The following NAV2 variants were observed in gnomAD, a reference collection of about 807,000 sequenced individuals.
The protein encoded by NAV2 is neuron navigator 2, also known as helicase, APC down-regulated 1.
Under a neutral mutation model 223.2 loss-of-function variants are expected in NAV2, and 54 were observed. The ratio of observed to expected loss-of-function variants is 0.24; its 90% CI spans 0.19 to 0.30. The LOEUF is 0.30. Ranked by LOEUF, NAV2 falls within the 10% of genes least tolerant of loss-of-function variation. The pLI is 1.00. For synonymous variants in NAV2, 1,279 were observed against 1,239.3 expected (o/e 1.03, Z -0.67); for missense variants, 2,806 against 3,147.5 (o/e 0.89, Z 2.60).
At position 19,908,612 on chromosome 11, in the gene NAV2, C is replaced by T. The variant is rs544996335; in HGVS notation, c.931+16018C>T. Among the ~76,000 whole-genome samples the T allele has an allele frequency of 7.5e-4, 114 of 152,240 alleles. 1 individual carries two copies. The Middle Eastern group carries it at 0.01, about 14-fold the overall frequency. On this transcript the variant is annotated intron_variant, in intron 6 of 37. Coordinates refer to ENST00000349880, the MANE Select transcript of NAV2 (RefSeq NM_145117.5). ...TTGACATGTGGTTAGTGTGGATGAA[C>T]GAATTTTTAATGTAGTAAATTTTAA...
intron 1 of NAV2, among the ~76,000 whole-genome samples, chr11:19,421,912 C>T (rs535920506): frequency 1.3e-5 from 2 of 152,214 alleles, no homozygotes; most frequent in South Asian, 4.1e-4. Context: ...CCTGGAATCA[C>T]ATCCTGACTC....
chr11:20,091,387 C>A (rs1592101355), intron 27 of NAV2, among the ~76,000 whole-genome samples: 1 of 152,152 alleles, frequency 6.6e-6, no homozygotes, highest in East Asian at 1.9e-4. Context: ...CGCTGACTGC[C>A]CCCTTTGCAT....
chr11:19,917,141 G>A (rs770602424), intron 6 of NAV2, among the ~76,000 whole-genome samples: 2 of 152,168 alleles, frequency 1.3e-5, no homozygotes, highest in Non-Finnish European at 2.9e-5. Context: ...CCTGCCTTCT[G>A]GAGATCTGAT....
At chr11:19,345,936 G>C (rs1852981976), upstream of NAV2, among the ~76,000 whole-genome samples, 1 of 152,130 alleles carries the variant, frequency 6.6e-6, no homozygotes, top group Non-Finnish European at 1.5e-5. This position sits in a 1 kb window ranked among gnomAD's most constrained non-coding sequence, Gnocchi z 5.2. Flanking sequence ...GTTTGCTGTT[G>C]GCATGGGTGT....
At chr11:19,497,225 C>G (rs1317764711) in intron 1 of NAV2, among the ~76,000 whole-genome samples, 1 of 152,308 alleles carries the variant, frequency 6.6e-6, no homozygotes, top group East Asian at 1.9e-4. Flanking sequence ...CAGTCTCTGC[C>G]TCACAGGTTG....
chr11:19,913,370 C>T (rs771890444), intron 6 of NAV2, among the ~76,000 whole-genome samples: 5 of 152,150 alleles, frequency 3.3e-5, no homozygotes, highest in African/African-American at 4.8e-5. Flanking sequence ...GCCCCACATC[C>T]TTGTATGTTG....
intron 26 of NAV2, among the ~76,000 whole-genome samples, chr11:20,084,628 A>G (rs751320677): frequency 6.6e-6 from 1 of 152,190 alleles, no homozygotes; most frequent in African/African-American, 2.4e-5. Flanking sequence ...TGCCCAGCCC[A>G]GTGTCCTGTG....
intron 1 of NAV2, among the ~76,000 whole-genome samples, chr11:19,619,548 T>A (rs1262861275): frequency 1.3e-5 from 2 of 152,234 alleles, no homozygotes; most frequent in African/African-American, 2.4e-5. Context: ...GTTGGCTGCA[T>A]AAATGTCTTC....
intron 1 of NAV2, among the ~76,000 whole-genome samples, chr11:19,789,578 G>A (rs77147340): frequency 0.072 from 10,920 of 152,248 alleles, 417 homozygotes; most frequent in Middle Eastern, 0.11. Flanking sequence ...AAAGAAAAGA[G>A]AATTAGACTG....
chr11:19,812,509 T>C (rs1032033379), intron 1 of NAV2, among the ~76,000 whole-genome samples: 1 of 152,094 alleles, frequency 6.6e-6, no homozygotes, highest in African/African-American at 2.4e-5. Context: ...TTAGACACTG[T>C]TGAATCCTCT....
chr11:19,917,107 C>G (rs1423128397), intron 6 of NAV2, among the ~76,000 whole-genome samples: 1 of 152,216 alleles, frequency 6.6e-6, no homozygotes, highest in Non-Finnish European at 1.5e-5. Flanking sequence ...CAGCCCTGCC[C>G]AGCCTAGATG....
intron 6 of NAV2, among the ~76,000 whole-genome samples, chr11:19,927,146 A>G (rs1487797402): frequency 6.6e-6 from 1 of 152,226 alleles, no homozygotes; most frequent in Non-Finnish European, 1.5e-5. Flanking sequence ...CTTTTCTTCA[A>G]AGCCATCCTG....
chr11:19,735,958 G>A (rs2052253019), intron 1 of NAV2, among the ~76,000 whole-genome samples: 1 of 152,168 alleles, frequency 6.6e-6, no homozygotes, highest in African/African-American at 2.4e-5. Context: ...CCCAGTATGG[G>A]GGCAACATCA....
intron 6 of NAV2, among the ~76,000 whole-genome samples, chr11:19,923,080 C>T (rs2044419020): frequency 6.6e-6 from 1 of 152,082 alleles, no homozygotes; most frequent in Non-Finnish European, 1.5e-5. Context: ...TGAAAGAATC[C>T]CACATTTTAC....
At chr11:20,086,211 A>T (rs1289463002) in intron 26 of NAV2, among the ~76,000 whole-genome samples, 1 of 152,178 alleles carries the variant, frequency 6.6e-6, no homozygotes, top group East Asian at 1.9e-4. Flanking sequence ...AGATAATCTG[A>T]ATTTACAAAG....
chr11:19,495,389 A>G (rs2729890), intron 1 of NAV2, among the ~76,000 whole-genome samples: 2,077 of 152,276 alleles, frequency 0.014, 44 homozygotes, highest in African/African-American at 0.048. Context: ...GTTTCCTGCA[A>G]TAAGAGAGGG....
intron 26 of NAV2, among the ~76,000 whole-genome samples, chr11:20,086,518 A>C (rs950723807): frequency 6.6e-6 from 1 of 151,814 alleles, no homozygotes; most frequent in Non-Finnish European, 1.5e-5. Context: ...TCCCCATTGC[A>C]CATGTTGCCC....
intron 1 of NAV2, among the ~76,000 whole-genome samples, chr11:19,634,851 G>A (rs911764892): frequency 9.9e-5 from 15 of 152,196 alleles, no homozygotes; most frequent in Non-Finnish European, 1.6e-4. Flanking sequence ...GACTGTTGGA[G>A]GATAATTAGG....
intron 1 of NAV2, among the ~76,000 whole-genome samples, chr11:19,771,645 C>T (rs930831668): frequency 6.6e-6 from 1 of 151,936 alleles, no homozygotes; most frequent in African/African-American, 2.4e-5. Flanking sequence ...CAGGAAGTGA[C>T]AAATTAAACC....
Sources: gnomAD v4.1 joint callset for allele counts (sites outside exome capture counted in the v4.1 genomes callset) on GRCh38, gnomAD v4.1.1 for gene constraint, Gnocchi (gnomAD v3.1) non-coding constraint, MANE v1.5 for transcripts, NCBI Gene and HGNC (gene_info 2026-07-23, HGNC 2026-07-21) for gene names.